Variants in INPP4B observed in about 807,000 individuals in gnomAD.
INPP4B encodes the protein inositol polyphosphate-4-phosphatase type II B.
INPP4B carries 55 observed loss-of-function variants against 122.5 expected under a neutral mutation model. The ratio of observed to expected loss-of-function variants is 0.45; its 90% CI spans 0.36 to 0.56. The LOEUF is 0.56. INPP4B is among the 20% of genes least tolerant of loss of function. INPP4B has a pLI of 0.00. For missense variants in INPP4B, 1,000 were observed against 1,097.7 expected, an observed-to-expected ratio of 0.91 and a Z score of 1.26; for synonymous variants, 403 against 388.7, an observed-to-expected ratio of 1.04 and a Z score of -0.43.
intron 17 of INPP4B, among the ~76,000 whole-genome samples, chr4:142,157,544 T>C (rs1381318535): frequency 6.6e-6 from 1 of 152,082 alleles, no homozygotes; most frequent in Non-Finnish European, 1.5e-5. Context: ...GGCTTAGAAA[T>C]GACATTAAGG....
intron 11 of INPP4B, among the ~76,000 whole-genome samples, chr4:142,254,508 A>G (rs1385970929): frequency 1.3e-5 from 2 of 152,194 alleles, no homozygotes; most frequent in Non-Finnish European, 2.9e-5. Flanking sequence ...GAAGTGCTTA[A>G]AGGAGCTGAT....
At position 142,047,799 on chromosome 4, in the gene INPP4B, ATCTC is replaced by A. The variant is rs139032971; in HGVS notation, c.2643-18889_2643-18886del. Among the ~76,000 whole-genome samples, 13 of 152,100 alleles carry A rather than the reference ATCTC, an allele frequency of 8.5e-5. No homozygotes were observed. In the South Asian group the frequency reaches 1.0e-3, roughly 12 times the overall value. ...AAGATAGCACAGATATGAAACAAAA[ATCTC>A]TCTATTTCCCAGCAATCCCCATGGT... On this transcript the variant is annotated intron_variant, in intron 25 of 25. Transcript: ENST00000262992.
chr4:142,756,858 G>A (rs1716443396), intron 1 of INPP4B, among the ~76,000 whole-genome samples: 2 of 152,050 alleles, frequency 1.3e-5, no homozygotes, highest in Admixed American at 6.6e-5. Flanking sequence ...AGGATGAGAT[G>A]TAATAAGAAT....
intron 25 of INPP4B, among the ~76,000 whole-genome samples, chr4:142,032,204 G>A (rs894171324): frequency 6.6e-6 from 1 of 152,140 alleles, no homozygotes; most frequent in Admixed American, 6.6e-5. Flanking sequence ...GGAGGACAAA[G>A]GGGCATGAAG....
chr4:142,096,150 C>G (rs1216735387), intron 23 of INPP4B: 2 of 152,066 alleles, frequency 1.3e-5, no homozygotes, highest in African/African-American at 4.8e-5. Flanking sequence ...ACTTACTAGA[C>G]TGGTATACTG....
chr4:142,098,940 G>A (rs1482153065), intron 23 of INPP4B, among the ~76,000 whole-genome samples: 1 of 152,098 alleles, frequency 6.6e-6, no homozygotes, highest in East Asian at 1.9e-4. Flanking sequence ...TTAGATGTTG[G>A]AAAGATAATG....
chr4:142,400,880 C>T (rs60408738), intron 7 of INPP4B, among the ~76,000 whole-genome samples: 1,941 of 152,256 alleles, frequency 0.013, 35 homozygotes, highest in African/African-American at 0.045. Flanking sequence ...CATTCATGCA[C>T]ATTTTAAATG....
chr4:142,082,867 C>T (rs1286293631), intron 24 of INPP4B, among the ~76,000 whole-genome samples: 1 of 152,188 alleles, frequency 6.6e-6, no homozygotes, highest in Non-Finnish European at 1.5e-5. Context: ...CGGCTCATGC[C>T]TGTAATCCTA....
At chr4:142,266,614 A>G (rs1742961891) in intron 10 of INPP4B, among the ~76,000 whole-genome samples, 1 of 152,202 alleles carries the variant, frequency 6.6e-6, no homozygotes, top group Admixed American at 6.5e-5. Flanking sequence ...TTAATTTTTT[A>G]ATGTTCATTT....
chr4:142,545,795 G>GTATATATA lies in INPP4B; in HGVS notation c.-190-83077_-190-83070dup, dbSNP rs1211860824. Among the ~76,000 whole-genome samples, 4 of 107,512 alleles carry GTATATATA rather than the reference G, an allele frequency of 3.7e-5. No homozygotes were observed. The South Asian group carries it at 9.5e-4, about 26-fold the overall frequency. The allele number at this position is 107,512 out of a possible 152,430, so 70.5% of individuals were successfully genotyped here. ...TATATATATACACATATATATGTGT[G>GTATATATA]TATATATATACACATATACATGTGT... On this transcript the variant is annotated intron_variant, in intron 2 of 25. Transcript: ENST00000262992.
At chr4:142,376,174 T>C (rs1361302173) in intron 7 of INPP4B, among the ~76,000 whole-genome samples, 1 of 152,054 alleles carries the variant, frequency 6.6e-6, no homozygotes, top group Non-Finnish European at 1.5e-5. Context: ...GTGACACAAC[T>C]GAAACCTAGT....
chr4:142,573,360 C>T (rs1306259687), intron 2 of INPP4B, among the ~76,000 whole-genome samples: 1 of 152,050 alleles, frequency 6.6e-6, no homozygotes, highest in African/African-American at 2.4e-5. Flanking sequence ...AAAACCGTTC[C>T]TTCTCTTCCA....
At chr4:142,572,530 T>A (rs1325210814) in intron 2 of INPP4B, among the ~76,000 whole-genome samples, 1 of 152,112 alleles carries the variant, frequency 6.6e-6, no homozygotes, top group African/African-American at 2.4e-5. Context: ...GAAATTTGCA[T>A]GTTATTATTT....
intron 2 of INPP4B, among the ~76,000 whole-genome samples, chr4:142,662,267 G>A (rs1316767047): frequency 1.3e-5 from 2 of 151,942 alleles, no homozygotes; most frequent in African/African-American, 4.8e-5. Flanking sequence ...AACGGTGGGA[G>A]AGGTTGAACA....
intron 7 of INPP4B, 25 bp downstream of exon 7, chr4:142,402,913 G>A: frequency 8.6e-7 from 1 of 1,156,260 alleles, no homozygotes; most frequent in Non-Finnish European, 1.3e-6. Context: ...TTTTCCCAAA[G>A]AAAGAAAGAA....
intron 2 of INPP4B, among the ~76,000 whole-genome samples, chr4:142,656,098 C>T (rs1754078074): frequency 6.6e-6 from 1 of 152,174 alleles, no homozygotes; most frequent in African/African-American, 2.4e-5. Context: ...GCCTCAAGAA[C>T]TTCACACCAT....
chr4:142,712,294 A>G (rs970582785), intron 2 of INPP4B, among the ~76,000 whole-genome samples: 2 of 152,186 alleles, frequency 1.3e-5, no homozygotes, highest in Non-Finnish European at 2.9e-5. Flanking sequence ...CTAGGCAAAA[A>G]TAAGAGGTGT....
At chr4:142,354,399 C>T (rs1782920908) in intron 7 of INPP4B, among the ~76,000 whole-genome samples, 1 of 151,984 alleles carries the variant, frequency 6.6e-6, no homozygotes, top group Non-Finnish European at 1.5e-5. Context: ...ACAGAATTTT[C>T]ACAGGAAAAG....
rs1310731630 is a variant in INPP4B at position 142,617,206 on chromosome 4, A to G, written c.-191+108633T>C. On this transcript the variant is annotated intron_variant, in intron 2 of 25. Transcript: ENST00000262992. Reference sequence around the variant, plus strand: ...TTCTATTCAGTGGCTTTCCTGGAATATCAGGAGTTTCTAGCCTACCAGAAT... The same window carrying G: ...TTCTATTCAGTGGCTTTCCTGGAATGTCAGGAGTTTCTAGCCTACCAGAAT... Among the ~76,000 whole-genome samples the G allele has an allele frequency of 1.3e-5, 2 of 152,152 alleles. 1 individual carries two copies. The highest frequency in any genetic ancestry group is 2.9e-5 in the Non-Finnish European group (2 of 68,036).
Sources: gnomAD v4.1 joint callset for allele counts (sites outside exome capture counted in the v4.1 genomes callset) on GRCh38, gnomAD v4.1.1 for gene constraint, MANE v1.5 for transcripts, NCBI Gene and HGNC (gene_info 2026-07-23, HGNC 2026-07-21) for gene names.